SMAD6: variants seen among roughly 807,000 people sequenced by gnomAD.
The protein encoded by SMAD6 is SMAD family member 6.
Under a neutral mutation model 39.4 loss-of-function variants are expected in SMAD6, and 103 were observed. The observed-to-expected ratio is 2.62, with a 90% CI of 2.23 to 3.08. The LOEUF (loss-of-function observed/expected upper bound fraction) is 3.08. Among genes scored for constraint, SMAD6 ranks in the 30% most tolerant of loss-of-function variants. The probability of loss-of-function intolerance (pLI) is 0.00; values close to 1 mark genes in which losing one functional copy is unlikely to be tolerated. For missense variants in SMAD6, 1,104 were observed against 742.9 expected (o/e 1.49, Z -5.65); for synonymous variants, 445 against 353.3 (o/e 1.26, Z -2.91).
intron 3 of SMAD6, among the ~76,000 whole-genome samples, chr15:66,765,787 C>A (rs1424155176): frequency 6.6e-6 from 1 of 152,124 alleles, no homozygotes; most frequent in Non-Finnish European, 1.5e-5. Flanking sequence ...TTCGGGTTTT[C>A]TGCTGTTATT....
intron 3 of SMAD6, among the ~76,000 whole-genome samples, chr15:66,731,432 C>T (rs1187358701): frequency 1.1e-5 from 1 of 91,642 alleles, no homozygotes; most frequent in Non-Finnish European, 2.1e-5. Flanking sequence ...AGCGAGACTC[C>T]GTCTCAAAAA....
intron 3 of SMAD6, among the ~76,000 whole-genome samples, chr15:66,720,419 G>T (rs1198360097): frequency 1.3e-5 from 2 of 151,910 alleles, no homozygotes; most frequent in Non-Finnish European, 2.9e-5. Context: ...GAGGGAAGGA[G>T]CCCTGGCCAG....
intron 3 of SMAD6, among the ~76,000 whole-genome samples, chr15:66,739,073 C>T (rs1478001082): frequency 7.0e-6 from 1 of 142,134 alleles, no homozygotes. Flanking sequence ...CTTACCCAGG[C>T]CTTCTTTTTC....
At chr15:66,751,983 G>A (rs945124802) in intron 3 of SMAD6, among the ~76,000 whole-genome samples, 5 of 150,932 alleles carry the variant, frequency 3.3e-5, no homozygotes, top group Admixed American at 1.3e-4. Context: ...GCTATGTAAG[G>A]TATGTTTTAT....
intron 1 of SMAD6, chr15:66,707,349 C>G: frequency 6.6e-6 from 1 of 151,764 alleles, no homozygotes; most frequent in South Asian, 2.1e-4. Flanking sequence ...AGAGACAGAG[C>G]GAGAGAGAGA....
intron 3 of SMAD6, among the ~76,000 whole-genome samples, chr15:66,723,125 G>A (rs546570654): frequency 5.3e-5 from 8 of 152,232 alleles, no homozygotes; most frequent in African/African-American, 1.2e-4. Flanking sequence ...TTCTCCCGTC[G>A]TTGGCCAAAA....
chr15:66,760,443 G>A (rs796822727), intron 3 of SMAD6, among the ~76,000 whole-genome samples: 8 of 152,366 alleles, frequency 5.3e-5, no homozygotes, highest in African/African-American at 1.9e-4. Flanking sequence ...GAACATCTAT[G>A]TTGTAGGGTT....
chr15:66,758,915 A>G (rs1410137970), intron 3 of SMAD6, among the ~76,000 whole-genome samples: 2 of 152,182 alleles, frequency 1.3e-5, no homozygotes, highest in Admixed American at 6.5e-5. Flanking sequence ...ATATGAAGTA[A>G]TAATATTTCA....
At chr15:66,741,697 G>C (rs887922918) in intron 3 of SMAD6, among the ~76,000 whole-genome samples, 2 of 152,164 alleles carry the variant, frequency 1.3e-5, no homozygotes, top group Admixed American at 6.5e-5. Flanking sequence ...ATTTAGAAAA[G>C]GGAGATTAAA....
At chr15:66,739,276 A>G (rs1893771896) in intron 3 of SMAD6, among the ~76,000 whole-genome samples, 1 of 151,998 alleles carries the variant, frequency 6.6e-6, no homozygotes, top group Non-Finnish European at 1.5e-5. Context: ...TTTTTAGTAG[A>G]GACGGGGTTT....
chr15:66,704,245 T>A, intron 1 of SMAD6, 170 bp downstream of exon 1: 1 of 435,640 alleles, frequency 2.3e-6, no homozygotes, highest in Non-Finnish European at 4.0e-6. Flanking sequence ...GGGGAGTGGG[T>A]GTCCCAGCAC....
intron 3 of SMAD6, among the ~76,000 whole-genome samples, chr15:66,723,910 G>A (rs1304982385): frequency 6.6e-6 from 1 of 152,168 alleles, no homozygotes; most frequent in Non-Finnish European, 1.5e-5. Context: ...TTGGGGTGGG[G>A]ATGGAGTATT....
chr15:66,708,546 A>G (rs1893164972), intron 1 of SMAD6, among the ~76,000 whole-genome samples: 1 of 152,278 alleles, frequency 6.6e-6, no homozygotes, highest in African/African-American at 2.4e-5. Context: ...TAAATGGATA[A>G]ATGAAATATG....
intron 3 of SMAD6, among the ~76,000 whole-genome samples, chr15:66,764,883 G>A (rs766993168): frequency 3.3e-5 from 5 of 152,162 alleles, no homozygotes; most frequent in Non-Finnish European, 5.9e-5. Flanking sequence ...CTTAAAAGGA[G>A]GGAAAGACCT....
At chr15:66,753,775 C>A (rs1286459510) in intron 3 of SMAD6, among the ~76,000 whole-genome samples, 3 of 152,190 alleles carry the variant, frequency 2.0e-5, no homozygotes, top group Admixed American at 1.3e-4. Flanking sequence ...GACTTCATCA[C>A]TCTTTTGGAG....
intron 3 of SMAD6, among the ~76,000 whole-genome samples, chr15:66,726,414 C>G (rs978004144): frequency 6.6e-6 from 1 of 152,216 alleles, no homozygotes; most frequent in South Asian, 2.1e-4. Context: ...TTGTCTGTCT[C>G]AGGCCCAGGG....
chr15:66,752,691 G>A (rs1321616484), intron 3 of SMAD6, among the ~76,000 whole-genome samples: 1 of 152,130 alleles, frequency 6.6e-6, no homozygotes, highest in Non-Finnish European at 1.5e-5. Flanking sequence ...CTACTTAGGA[G>A]GCTGAGGTGG....
chr15:66,733,068 C>T (rs1184877954), intron 3 of SMAD6, among the ~76,000 whole-genome samples: 1 of 151,910 alleles, frequency 6.6e-6, no homozygotes, highest in African/African-American at 2.4e-5. Context: ...GTTGAAACGA[C>T]TACTCTTTTC....
chr15:66,725,730 T>C (rs2140618276), intron 3 of SMAD6, among the ~76,000 whole-genome samples: 1 of 152,230 alleles, frequency 6.6e-6, no homozygotes, highest in Non-Finnish European at 1.5e-5. Flanking sequence ...GGGAGACAGC[T>C]AAGGTGAGGG....
Sources: allele counts gnomAD v4.1 joint callset (sites outside exome capture counted in the v4.1 genomes callset), GRCh38; gene constraint gnomAD v4.1.1; transcripts MANE v1.5; gene names NCBI Gene and HGNC (gene_info 2026-07-23, HGNC 2026-07-21).